The following HYPK variants were observed in gnomAD, a reference collection of about 807,000 sequenced individuals.
HYPK encodes huntingtin-interacting protein K.
A neutral mutation model predicts 13.9 loss-of-function variants in HYPK; 9 were observed. The observed-to-expected ratio is 0.65, with a 90% CI of 0.39 to 1.13. The LOEUF is 1.13. Among genes scored for constraint, HYPK ranks in the 50% most tolerant of loss-of-function variants. The pLI is 0.01. For synonymous variants in HYPK, 76 were observed against 57.0 expected (o/e 1.33, Z -1.50); for missense variants, 138 against 157.6 (o/e 0.88, Z 0.67).
chr15:43,801,254 CCATT>C (rs2087311431), intron 2 of HYPK, 67 bp downstream of exon 2: 1 of 1,346,652 alleles, frequency 7.4e-7, no homozygotes, highest in Non-Finnish European at 1.1e-6. Context: ...AAAATAAAAA[CCATT>C]ATTAAGCCTT....
At chr15:43,800,504 C>A, upstream of HYPK, 1 of 1,334,634 alleles carries the variant, frequency 7.5e-7, no homozygotes. Flanking sequence ...GCTTCTAGAA[C>A]TGGAGCAGAA....
chr15:43,801,490 G>T, intron 2 of HYPK, 28 bp from the exon 3 acceptor site: 1 of 1,588,844 alleles, frequency 6.3e-7, no homozygotes, highest in South Asian at 1.1e-5. Context: ...TTGAGAATGA[G>T]GACTAATATA....
At position 43,800,788 on chromosome 15, in the gene HYPK, A is replaced by G. The variant is rs1175137693; in HGVS notation, c.162+4A>G. On this transcript the variant is annotated splice_donor_region_variant and intron_variant, in intron 1 of 3. Transcript: ENST00000442995. ...CCAGAGTTCCAATCTGGAGACGGTA[A>G]GGTTGGCCAAGAGCATGTCGGGGCG... 3 of 1,604,782 alleles carry G rather than the reference A, an allele frequency of 1.9e-6. No homozygotes were observed. In the African/African-American group the frequency reaches 4.0e-5, roughly 21 times the overall value.
Position 43,800,613 on chromosome 15 carries a change from T to G in HYPK, c.-10T>G, listed in dbSNP as rs770669688. 22 of 1,613,766 alleles carry G rather than the reference T, an allele frequency of 1.4e-5. No individual in the cohort carries two copies. The highest frequency in any genetic ancestry group is 1.8e-5 in the Non-Finnish European group (21 of 1,179,968). ...AGGTGGGGCTTATGCGGCGGCGTGG[T>G]GAAATAGATATGGCGACCGAGGGGG... On this transcript the variant is annotated 5_prime_UTR_variant, in exon 1 of 4. Transcript: ENST00000442995.
chr15:43,800,824 A>G, intron 1 of HYPK, 40 bp downstream of exon 1: 1 of 1,538,494 alleles, frequency 6.5e-7, no homozygotes. Flanking sequence ...GGCTGAGAGC[A>G]GAGGGGGGCT....
Position 43,800,655 on chromosome 15 carries a change from G to A in HYPK, c.33G>A (p.Leu11=), listed in dbSNP as rs1596050804. Residue 11 remains leucine, a synonymous_variant, in exon 1 of 4, where the codon TTG becomes TTA. Coordinates refer to ENST00000442995, the MANE Select transcript of HYPK (RefSeq NM_016400.4). MATEGDVELE[L]ETETSGPERP... ...CCGAGGGGGATGTGGAGCTGGAGTTGGAGACTGAGACCAGTGGACCAGAGC... is the reference window on the plus strand; with the variant it reads ...CCGAGGGGGATGTGGAGCTGGAGTTAGAGACTGAGACCAGTGGACCAGAGC... 1.9e-6 allele frequency: 3 copies of A among 1,614,038 alleles called. No individual in the cohort carries two copies. Among genetic ancestry groups the A allele is most frequent in the African/African-American group, 2.7e-5 (2 of 74,930 alleles).
Position 43,803,212 on chromosome 15 carries a change from G to C in HYPK, c.*1406G>C, listed in dbSNP as rs2087337916. Among the ~76,000 whole-genome samples, 1 of 144,826 alleles carries C rather than the reference G, an allele frequency of 6.9e-6. No individual in the cohort carries two copies. Among genetic ancestry groups the C allele is most frequent in the Admixed American group, 7.0e-5 (1 of 14,366 alleles). On this transcript the variant is annotated 3_prime_UTR_variant, in exon 4 of 4. Coordinates refer to ENST00000442995, the MANE Select transcript of HYPK (RefSeq NM_016400.4). ...CAGACCAGCCTGGGCAACATAGCAT[G>C]ACCTTGTCTCTACTAAAATTAAAAA...
rs374579666 is a variant in HYPK at position 43,801,785 on chromosome 15, G to A, written c.345G>A (p.Ala115=). The change falls in exon 4 of 4, where the codon GCG becomes GCA. Residue 115 remains alanine (A), a synonymous_variant. Transcript: ENST00000442995. ...AACACATGGGCAACGTGGTAGAGGC[G>A]CTTATTGCCCTAACCAACTGATGCG... The part of the protein sequence containing the change: ...LREHMGNVVE[A]LIALTN 21 of 1,614,212 alleles carry A rather than the reference G, an allele frequency of 1.3e-5. No individual in the cohort carries two copies. The African/African-American group carries it at 1.3e-4, about 10-fold the overall frequency.
At chr15:43,800,475 AACCGC>A, upstream of HYPK, 1 of 1,103,898 alleles carries the variant, frequency 9.1e-7, no homozygotes, top group Non-Finnish European at 1.4e-6. Context: ...CTGAGAGACG[AACCGC>A]CTTCCTCCCT....
chr15:43,800,807 CG>C (rs1285468298), intron 1 of HYPK, 23 bp downstream of exon 1: 2 of 1,586,796 alleles, frequency 1.3e-6, no homozygotes, highest in South Asian at 2.3e-5. Context: ...AAGAGCATGT[CG>C]GGGCGGGCTG....
At position 43,802,970 on chromosome 15, in the gene HYPK, CTTGAGCCCAGCAGT is replaced by C. The variant is rs1266644000; in HGVS notation, c.*1170_*1183del. ...TTGGGAAGCTGAGGCAAGACGATCA[CTTGAGCCCAGCAGT>C]TTGAGACCAGCTTGGGCAACACAGT... On this transcript the variant is annotated 3_prime_UTR_variant, in exon 4 of 4. Coordinates refer to ENST00000442995, the MANE Select transcript of HYPK (RefSeq NM_016400.4). 1 of 150,646 alleles carries C rather than the reference CTTGAGCCCAGCAGT, an allele frequency of 6.6e-6. No homozygotes were observed. Among genetic ancestry groups the C allele is most frequent in the Non-Finnish European group, 1.5e-5 (1 of 67,818 alleles). 9.3% of individuals were successfully genotyped at this position (150,646 alleles called of 1,614,324 possible). A position where few individuals can be genotyped will look rare whatever the true frequency, so the allele number is the denominator to read the frequency against.
At chr15:43,800,529 A>T (rs1596050543), upstream of HYPK, 2 of 1,534,584 alleles carry the variant, frequency 1.3e-6, no homozygotes, top group Admixed American at 1.9e-5. Flanking sequence ...GGTGTGGCCC[A>T]GGGCCAGCCC....
In HYPK at chr15:43,801,852, A is replaced by G; in HGVS notation, c.*46A>G. On this transcript the variant is annotated 3_prime_UTR_variant, in exon 4 of 4. Transcript: ENST00000442995. ...CCTACTGGATTAATTTATGGCAATAAAATTTTTTTTTGTCTTTTTCAGTTT... is the reference window on the plus strand; with the variant it reads ...CCTACTGGATTAATTTATGGCAATAGAATTTTTTTTTGTCTTTTTCAGTTT... 6.3e-7 allele frequency: 1 copy of G among 1,574,956 alleles called. No individual in the cohort carries two copies. The highest frequency in any genetic ancestry group is 8.7e-7 in the Non-Finnish European group (1 of 1,147,176).
rs902961631 is a variant in HYPK at position 43,804,009 on chromosome 15, G to A, written c.*2203G>A. On this transcript the variant is annotated 3_prime_UTR_variant, in exon 4 of 4. Transcript: ENST00000442995. ...CTACTAAAAATACAAAAATTAGCCA[G>A]GCATGGTGGCAGGCGCCTGTAGTCC... Among the ~76,000 whole-genome samples, 6 of 151,876 alleles carry A rather than the reference G, an allele frequency of 4.0e-5. No individual in the cohort carries two copies. Among genetic ancestry groups the A allele is most frequent in the Non-Finnish European group, 5.9e-5 (4 of 67,984 alleles).
chr15:43,800,828 G>C lies in HYPK; in HGVS notation c.162+44G>C, dbSNP rs1191186729. On this transcript the variant is annotated intron_variant, in intron 1 of 3. Transcript: ENST00000442995. ...ATGTCGGGGCGGGCTGAGAGCAGAG[G>C]GGGGCTCTGAGGCTGTAGCTGGAAG... The C allele has an allele frequency of 4.6e-6, 7 of 1,525,404 alleles. No individual in the cohort carries two copies. In the Admixed American group the frequency reaches 5.8e-5, roughly 13 times the overall value. 94.5% of individuals were successfully genotyped at this position (1,525,404 alleles called of 1,614,324 possible).
chr15:43,800,434 C>T, upstream of HYPK: 2 of 790,230 alleles, frequency 2.5e-6, no homozygotes, highest in South Asian at 1.5e-5. Flanking sequence ...GAAGGCCTCG[C>T]ACAAAACACT....
intron 1 of HYPK, 108 bp downstream of exon 1, chr15:43,800,892 AG>A: frequency 8.9e-7 from 1 of 1,122,678 alleles, no homozygotes; most frequent in African/African-American, 1.6e-5. Flanking sequence ...CGTTGGCAGG[AG>A]GAGGCAATAG....
In HYPK at chr15:43,800,703, A is replaced by G. The variant is rs1213034700; in HGVS notation, c.81A>G (p.Lys27=). Residue 27 remains lysine, a synonymous_variant, in exon 1 of 4, where the codon AAA becomes AAG. Coordinates refer to ENST00000442995, the MANE Select transcript of HYPK (RefSeq NM_016400.4). ...AGCGGCCTCCGGAGAAGCCACGGAA[A>G]CATGACAGCGGTGCGGCGGACTTGG... is the stretch of plus-strand genomic sequence containing the variant. ...GPERPPEKPR[K]HDSGAADLER... 6.2e-7 allele frequency: 1 copy of G among 1,614,100 alleles called. No homozygotes were observed. Among genetic ancestry groups the G allele is most frequent in the Non-Finnish European group, 8.5e-7 (1 of 1,180,028 alleles).
In HYPK at chr15:43,801,845, G is replaced by A. The variant is rs2087321702; in HGVS notation, c.*39G>A. 1 of 1,583,976 alleles carries A rather than the reference G, an allele frequency of 6.3e-7. No homozygotes were observed. Among genetic ancestry groups the A allele is most frequent in the African/African-American group, 1.4e-5 (1 of 73,942 alleles). ...AAATATACCTACTGGATTAATTTAT[G>A]GCAATAAAATTTTTTTTTGTCTTTT... On this transcript the variant is annotated 3_prime_UTR_variant, in exon 4 of 4. Coordinates refer to ENST00000442995, the MANE Select transcript of HYPK (RefSeq NM_016400.4).
Sources: gnomAD v4.1 joint callset for allele counts (sites outside exome capture counted in the v4.1 genomes callset) on GRCh38, gnomAD v4.1.1 for gene constraint, MANE v1.5 for transcripts, NCBI Gene and HGNC (gene_info 2026-07-23, HGNC 2026-07-21) for gene names.